The following SLMAP variants were observed in gnomAD, a reference collection of about 807,000 sequenced individuals.
SLMAP encodes sarcolemma associated protein.
SLMAP carries 44 observed loss-of-function variants against 128.8 expected under a neutral mutation model. The ratio of observed to expected loss-of-function variants is 0.34; its 90% CI spans 0.27 to 0.44. The LOEUF (loss-of-function observed/expected upper bound fraction) is 0.44, where lower values mean the gene tolerates loss of function less well. Among genes scored for constraint, SLMAP ranks in the 20% least tolerant of loss-of-function variants. SLMAP has a pLI of 1.00. For missense variants in SLMAP, 787 were observed against 985.3 expected (o/e 0.80, Z 2.69); for synonymous variants, 327 against 348.8 (o/e 0.94, Z 0.70).
At chr3:57,890,376 G>A (rs2096029758) in intron 15 of SLMAP, 1 of 304,260 alleles carries the variant, frequency 3.3e-6, no homozygotes, top group Non-Finnish European at 6.0e-6. Flanking sequence ...AAGATTTGTT[G>A]CAATCTCTGT....
chr3:57,767,298 C>G (rs1247691622), intron 2 of SLMAP, among the ~76,000 whole-genome samples: 1 of 152,158 alleles, frequency 6.6e-6, no homozygotes, highest in African/African-American at 2.4e-5. Flanking sequence ...GATGTGAACT[C>G]TTGAGAGCAA....
At chr3:57,849,266 T>C (rs2094420284) in intron 5 of SLMAP, among the ~76,000 whole-genome samples, 1 of 152,170 alleles carries the variant, frequency 6.6e-6, no homozygotes, top group African/African-American at 2.4e-5. Context: ...ATAGAAGATA[T>C]TCCTTATAAT....
intron 2 of SLMAP, among the ~76,000 whole-genome samples, chr3:57,798,691 AAG>A (rs1470910821): frequency 6.6e-6 from 1 of 152,220 alleles, no homozygotes; most frequent in Non-Finnish European, 1.5e-5. Context: ...TAATCCCAGA[AAG>A]AGAAATGTAG....
intron 4 of SLMAP, among the ~76,000 whole-genome samples, chr3:57,842,734 T>A (rs760269761): frequency 1.3e-5 from 2 of 152,356 alleles, no homozygotes; most frequent in East Asian, 3.9e-4. Flanking sequence ...TTTGCCCATT[T>A]TCTTCTCATT....
chr3:57,797,049 G>T (rs191277754), intron 2 of SLMAP, among the ~76,000 whole-genome samples: 1 of 151,938 alleles, frequency 6.6e-6, no homozygotes, highest in African/African-American at 2.4e-5. Context: ...GAGCATGGTG[G>T]CATGTGCCTA....
At chr3:57,811,764 G>C (rs1465797067) in intron 2 of SLMAP, among the ~76,000 whole-genome samples, 2 of 151,990 alleles carry the variant, frequency 1.3e-5, no homozygotes, top group African/African-American at 2.4e-5. Flanking sequence ...TACTTTTTTT[G>C]AGAGTAGCTA....
In SLMAP at chr3:57,757,368, T is replaced by G. The variant is rs570811000; in HGVS notation, c.-284T>G. 6.1e-6 allele frequency: 3 copies of G among 491,360 alleles called. No homozygotes were observed. The highest frequency in any genetic ancestry group is 3.4e-5 in the Admixed American group (1 of 29,364). The allele number at this position is 491,360 out of a possible 1,614,324, so 30.4% of individuals were successfully genotyped here. A position where few individuals can be genotyped will look rare whatever the true frequency, so the allele number is the denominator to read the frequency against. On this transcript the variant is annotated 5_prime_UTR_variant, in exon 2 of 25. Transcript: ENST00000671191. ...TTCTTGGCCGAAGCTGCCCGATGTT[T>G]GAGCCTTTTCTTCCCAGAGAAGAAG...
chr3:57,793,665 A>G (rs1010489295), intron 2 of SLMAP, among the ~76,000 whole-genome samples: 1 of 152,196 alleles, frequency 6.6e-6, no homozygotes, highest in African/African-American at 2.4e-5. Flanking sequence ...GTCCTCAACT[A>G]CTAGCATTTG....
At chr3:57,926,551 G>T (rs1169240978) in intron 24 of SLMAP, among the ~76,000 whole-genome samples, 1 of 152,126 alleles carries the variant, frequency 6.6e-6, no homozygotes, top group African/African-American at 2.4e-5. Flanking sequence ...TTAAAAACCA[G>T]TTTTTCTCAA....
intron 2 of SLMAP, among the ~76,000 whole-genome samples, chr3:57,804,980 T>TA (rs1405058522): frequency 1.3e-5 from 2 of 152,194 alleles, no homozygotes; most frequent in African/African-American, 4.8e-5. Context: ...ACAACAGAAT[T>TA]AGAGAGTCTA....
chr3:57,895,885 A>G (rs1046552883), intron 15 of SLMAP, among the ~76,000 whole-genome samples: 2 of 151,588 alleles, frequency 1.3e-5, no homozygotes, highest in Non-Finnish European at 2.9e-5. Context: ...TCAAGGTTGT[A>G]GTGAGCTGTG....
chr3:57,830,257 C>T (rs1355400160), intron 2 of SLMAP, among the ~76,000 whole-genome samples: 2 of 152,236 alleles, frequency 1.3e-5, no homozygotes, highest in African/African-American at 2.4e-5. Flanking sequence ...ATCTGCCCGC[C>T]TCAGCCTCCC....
intron 14 of SLMAP, among the ~76,000 whole-genome samples, chr3:57,885,547 G>A (rs1392037954): frequency 6.7e-6 from 1 of 148,546 alleles, no homozygotes; most frequent in Admixed American, 6.8e-5. Context: ...AGCCTACCGA[G>A]TAGCTGGGAT....
At chr3:57,836,057 A>C (rs1360077330) in intron 3 of SLMAP, among the ~76,000 whole-genome samples, 1 of 152,162 alleles carries the variant, frequency 6.6e-6, no homozygotes, top group African/African-American at 2.4e-5. Context: ...AAATTATATT[A>C]ATTGCAGGGA....
rs925419120 is a variant in SLMAP at position 57,927,270 on chromosome 3, T to A, written c.*7-26T>A. The A allele has an allele frequency of 6.5e-6, 10 of 1,533,048 alleles. No individual in the cohort carries two copies. In the African/African-American group the frequency reaches 1.1e-4, roughly 17 times the overall value. The allele number at this position is 1,533,048 out of a possible 1,614,324, so 95.0% of individuals were successfully genotyped here. A position where few individuals can be genotyped will look rare whatever the true frequency, so the allele number is the denominator to read the frequency against. On this transcript the variant is annotated intron_variant, in intron 24 of 24. Transcript: ENST00000671191. ...TGAAAAGAGAGGGGAGAATGTGATA[T>A]TGACTCTTGGTTTCTTTCCACACAG...
chr3:57,871,746 A>G lies in SLMAP; in HGVS notation c.1300+48A>G, dbSNP rs567998875. ...ATTGATTTTAATGAAGTCAGGGGCT[A>G]AAACTTAAAAGTGAGAGGTAAAATG... On this transcript the variant is annotated intron_variant, in intron 14 of 24. Coordinates refer to ENST00000671191, the MANE Select transcript of SLMAP (RefSeq NM_001377540.1). The G allele has an allele frequency of 5.9e-5, 83 of 1,418,762 alleles. 2 individuals are homozygous for G. The South Asian group carries it at 9.1e-4, about 16-fold the overall frequency. The allele number at this position is 1,418,762 out of a possible 1,614,324, so 87.9% of individuals were successfully genotyped here.
At chr3:57,771,063 A>G (rs1275127852) in intron 2 of SLMAP, among the ~76,000 whole-genome samples, 2 of 152,070 alleles carry the variant, frequency 1.3e-5, no homozygotes, top group East Asian at 1.9e-4. Flanking sequence ...TCAGATTTCA[A>G]ATTTTCAGAT....
chr3:57,848,335 C>G (rs1276306978), intron 5 of SLMAP, among the ~76,000 whole-genome samples: 1 of 150,914 alleles, frequency 6.6e-6, no homozygotes, highest in Non-Finnish European at 1.5e-5. Flanking sequence ...TTCTCCTCCT[C>G]CTGTTTCTTC....
intron 8 of SLMAP, among the ~76,000 whole-genome samples, chr3:57,859,470 G>A (rs942300540): frequency 1.3e-5 from 2 of 152,148 alleles, no homozygotes; most frequent in South Asian, 2.1e-4. Context: ...TGGAAGGATC[G>A]CTTGAGCCCA....
Sources: allele counts gnomAD v4.1 joint callset (sites outside exome capture counted in the v4.1 genomes callset), GRCh38; gene constraint gnomAD v4.1.1; transcripts MANE v1.5; gene names NCBI Gene and HGNC (gene_info 2026-07-23, HGNC 2026-07-21).